The following PC variants were observed in gnomAD, a reference collection of about 807,000 sequenced individuals.
PC encodes pyruvate carboxylase, mitochondrial.
In PC, 46 loss-of-function variants were observed where a neutral mutation model predicts 107.8. The ratio of observed to expected loss-of-function variants is 0.43; its 90% CI spans 0.34 to 0.55. PC has a LOEUF of 0.55. PC is among the 20% of genes least tolerant of loss of function. The pLI, the probability that PC is intolerant of heterozygous loss-of-function variation, is 0.04. For synonymous variants in PC, 662 were observed against 684.7 expected (o/e 0.97, Z 0.52); for missense variants, 1,241 against 1,643.1 (o/e 0.76, Z 4.23).
In PC at chr11:66,860,013, C is replaced by A. The variant is rs768115120; in HGVS notation, c.1368+3761G>T. 25 of 1,591,602 alleles carry A rather than the reference C, an allele frequency of 1.6e-5. No individual in the cohort carries two copies. In the Admixed American group the frequency reaches 1.9e-4, roughly 12 times the overall value. On this transcript the variant is annotated intron_variant, in intron 12 of 22. Coordinates refer to ENST00000393960, the MANE Select transcript of PC (RefSeq NM_001040716.2). Reference sequence around the variant, plus strand: ...ACCCAAGGCCCACCCGCCGCGGAGCCCCCCGCCCCGGCCGCAGCGCAGCTG... The same window carrying A: ...ACCCAAGGCCCACCCGCCGCGGAGCACCCCGCCCCGGCCGCAGCGCAGCTG...
chr11:66,918,522 G>A (rs899282460), intron 3 of PC, among the ~76,000 whole-genome samples: 8 of 151,664 alleles, frequency 5.3e-5, no homozygotes, highest in Non-Finnish European at 7.4e-5. Flanking sequence ...ACATGCACGC[G>A]CCACCAAGTC....
intron 3 of PC, among the ~76,000 whole-genome samples, chr11:66,923,294 G>A (rs1339233861): frequency 2.6e-5 from 4 of 151,514 alleles, no homozygotes; most frequent in African/African-American, 4.8e-5. Context: ...CCTGGGAGGC[G>A]GAGGTTGCAG....
chr11:66,926,059 A>G (rs1274614513), intron 3 of PC, among the ~76,000 whole-genome samples: 2 of 152,222 alleles, frequency 1.3e-5, no homozygotes, highest in African/African-American at 4.8e-5. Flanking sequence ...TATGGCAAAA[A>G]GATAAGAAGC....
At chr11:66,898,930 C>T (rs1184470477) in intron 3 of PC, among the ~76,000 whole-genome samples, 1 of 152,102 alleles carries the variant, frequency 6.6e-6, no homozygotes. Context: ...AGTGCTATGG[C>T]AACGATCTTG....
chr11:66,866,102 G>A lies in PC; in HGVS notation c.1185+85C>T. On this transcript the variant is annotated intron_variant, in intron 11 of 22. Coordinates refer to ENST00000393960, the MANE Select transcript of PC (RefSeq NM_001040716.2). This position sits in a 1 kb window ranked among gnomAD's most constrained non-coding sequence, Gnocchi z 5.4. ...GGGTCCTCCCTAACTGCCGGGCTGT[G>A]GCAACTTGGCACTGCAGCCCCAGGC... 5 of 1,477,514 alleles carry A rather than the reference G, an allele frequency of 3.4e-6. No homozygotes were observed. Among genetic ancestry groups the A allele is most frequent in the Non-Finnish European group, 4.6e-6 (5 of 1,081,422 alleles). The allele number at this position is 1,477,514 out of a possible 1,614,324, so 91.5% of individuals were successfully genotyped here.
chr11:66,873,452 TA>T (rs1946832738), intron 3 of PC, among the ~76,000 whole-genome samples: 1 of 84,136 alleles, frequency 1.2e-5, no homozygotes, highest in Non-Finnish European at 2.2e-5. Context: ...ATATTATATA[TA>T]AAATATATAT....
chr11:66,865,440 TG>T (rs1356025965), intron 11 of PC, among the ~76,000 whole-genome samples: 1 of 152,186 alleles, frequency 6.6e-6, no homozygotes, highest in Non-Finnish European at 1.5e-5. Context: ...CGTGCAGGGC[TG>T]GGAACAGGCA....
intron 3 of PC, among the ~76,000 whole-genome samples, chr11:66,903,954 G>A (rs1209394565): frequency 1.3e-5 from 2 of 149,798 alleles, no homozygotes; most frequent in East Asian, 4.0e-4. Flanking sequence ...CAGCCTCCCG[G>A]GTAGCTGGGA....
At chr11:66,892,344 T>C (rs188801810) in intron 3 of PC, among the ~76,000 whole-genome samples, 87 of 152,170 alleles carry the variant, frequency 5.7e-4, no homozygotes, top group African/African-American at 2.1e-3. Flanking sequence ...CTGGGATGAC[T>C]AAGAGCTTTT....
intron 16 of PC, 108 bp downstream of exon 16, chr11:66,851,680 CAG>C: frequency 8.4e-7 from 1 of 1,185,748 alleles, no homozygotes. Context: ...CGTGTGGCCA[CAG>C]AGAGACTTGG....
intron 3 of PC, among the ~76,000 whole-genome samples, chr11:66,927,156 T>C (rs1389430646): frequency 7.2e-6 from 1 of 139,654 alleles, no homozygotes; most frequent in Non-Finnish European, 1.5e-5. Flanking sequence ...CATGCCCAGC[T>C]AATTTTTTTT....
At chr11:66,953,035 C>A (rs903702983) in intron 2 of PC, among the ~76,000 whole-genome samples, 3 of 152,196 alleles carry the variant, frequency 2.0e-5, no homozygotes, top group Non-Finnish European at 4.4e-5. Context: ...TAGGGAATAC[C>A]CAATGAGGCA....
In PC at chr11:66,850,876, G is replaced by C; in HGVS notation, c.2271C>G (p.Ser757Arg). Reference protein sequence around the residue: ...LKPTACTMLVSSLRDRFPDLP... With the variant: ...LKPTACTMLVRSLRDRFPDLP... ...GGTCGGGGAAGCGGTCCCGGAGGGA[G>C]CTGACCAGCATGGTGCAGGCCGTGG... Residue 757 changes from serine to arginine, a missense_variant, in exon 18 of 23, where the codon AGC becomes AGG. Coordinates refer to ENST00000393960, the MANE Select transcript of PC (RefSeq NM_001040716.2). 1 of 1,611,230 alleles carries C rather than the reference G, an allele frequency of 6.2e-7. No individual in the cohort carries two copies.
At chr11:66,913,097 G>A (rs1178281789) in intron 3 of PC, among the ~76,000 whole-genome samples, 1 of 152,144 alleles carries the variant, frequency 6.6e-6, no homozygotes, top group Admixed American at 6.5e-5. Context: ...AGACGAGACT[G>A]TTAGAACGGC....
chr11:66,955,839 C>T (rs1304869058), intron 1 of PC, among the ~76,000 whole-genome samples: 1 of 151,598 alleles, frequency 6.6e-6, no homozygotes, highest in Non-Finnish European at 1.5e-5. Context: ...GGGGCGTGAT[C>T]TCAGCTTACT....
intron 3 of PC, among the ~76,000 whole-genome samples, chr11:66,888,280 G>A (rs185935821): frequency 6.6e-6 from 1 of 152,326 alleles, no homozygotes; most frequent in East Asian, 1.9e-4. Context: ...CAATTTTGGA[G>A]GGAAAACGCT....
intron 3 of PC, among the ~76,000 whole-genome samples, chr11:66,906,868 T>C (rs1418751012): frequency 6.6e-6 from 1 of 152,242 alleles, no homozygotes; most frequent in Non-Finnish European, 1.5e-5. Flanking sequence ...GCCAGAGGTC[T>C]GGTCTCCCAA....
rs183131461 is a variant in PC, at chr11:66,870,326, G to A, written c.879C>T (p.Ser293=). 3.2e-4 allele frequency: 521 copies of A among 1,613,444 alleles called. 4 individuals carry two copies. In the East Asian group the frequency reaches 0.011, roughly 34 times the overall value. Residue 293 remains serine (S), a synonymous_variant, in exon 9 of 23, where the codon AGC becomes AGT. Transcript: ENST00000393960. The surrounding 1 kb of genome is among the most constrained non-coding windows in gnomAD (Gnocchi z 6.1). ...CCTGTTTAGCGAGTTTCACAGAGTC[G>A]CTGGTGAGCCGAGTCCGAAGCTGCG... ...LDPQLRTRLT[S]DSVKLAKQVG...
chr11:66,935,584 G>A (rs1342388510), intron 3 of PC, among the ~76,000 whole-genome samples: 1 of 152,160 alleles, frequency 6.6e-6, no homozygotes, highest in Non-Finnish European at 1.5e-5. Context: ...CCTGTGCACT[G>A]TAACACCCTG....
Sources: allele counts gnomAD v4.1 joint callset (sites outside exome capture counted in the v4.1 genomes callset), GRCh38; gene constraint gnomAD v4.1.1; non-coding constraint Gnocchi (gnomAD v3.1); transcripts MANE v1.5; gene names NCBI Gene and HGNC (gene_info 2026-07-23, HGNC 2026-07-21).